Variants in CLSPN observed in about 807,000 individuals in gnomAD.
CLSPN encodes the protein claspin.
CLSPN carries 85 observed loss-of-function variants against 156.3 expected under a neutral mutation model. The ratio of observed to expected loss-of-function variants is 0.54; its 90% confidence interval spans 0.46 to 0.65. CLSPN has a LOEUF of 0.65. Ranked by LOEUF, CLSPN falls within the 30% of genes least tolerant of loss-of-function variation. The pLI, the probability that CLSPN is intolerant of heterozygous loss-of-function variation, is 0.00. For synonymous variants in CLSPN, 534 were observed against 542.4 expected, an observed-to-expected ratio of 0.98 and a Z score of 0.22; for missense variants, 1,407 against 1,554.9, an observed-to-expected ratio of 0.90 and a Z score of 1.60.
intron 8 of CLSPN, among the ~76,000 whole-genome samples, chr1:35,757,514 C>T (rs564122805): frequency 6.6e-6 from 1 of 152,016 alleles, no homozygotes; most frequent in African/African-American, 2.4e-5. Context: ...AAGTATAATG[C>T]TGGAAAAATT....
chr1:35,763,073 A>G, intron 4 of CLSPN, 87 bp downstream of exon 4: 1 of 1,160,448 alleles, frequency 8.6e-7, no homozygotes, highest in South Asian at 2.6e-5. Flanking sequence ...CAGTTAAAAA[A>G]AAAATTAAGG....
intron 10 of CLSPN, 46 bp downstream of exon 10, chr1:35,751,204 C>T (rs1408012078): frequency 1.3e-6 from 2 of 1,575,004 alleles, no homozygotes; most frequent in African/African-American, 2.7e-5. Flanking sequence ...CTTTTTCTCT[C>T]ATATTCACCA....
At chr1:35,749,394 G>T in intron 12 of CLSPN, 73 bp downstream of exon 12, 1 of 1,374,768 alleles carries the variant, frequency 7.3e-7, no homozygotes, top group Non-Finnish European at 1.0e-6. Context: ...GAAACTTACC[G>T]TACTGCAGTC....
In CLSPN at chr1:35,736,404, G is replaced by A; in HGVS notation, c.*92C>T. On this transcript the variant is annotated 3_prime_UTR_variant, in exon 25 of 25. Coordinates refer to ENST00000318121, the MANE Select transcript of CLSPN (RefSeq NM_022111.4). Reference sequence around the variant, plus strand: ...CTTATTGCATTGATTATGAAAGAAGGAAGGATCATTGGCTGGAGTGTCAAT... The same window carrying A: ...CTTATTGCATTGATTATGAAAGAAGAAAGGATCATTGGCTGGAGTGTCAAT... 6.8e-7 allele frequency: 1 copy of A among 1,468,706 alleles called. No individual in the cohort carries two copies. The highest frequency in any genetic ancestry group is 9.0e-7 in the Non-Finnish European group (1 of 1,111,932). 91.0% of individuals were successfully genotyped at this position (1,468,706 alleles called of 1,614,324 possible).
In CLSPN at chr1:35,764,405, C is replaced by G; in HGVS notation, c.443G>C (p.Arg148Thr). The change falls in exon 3 of 25, where the codon AGA (arginine) becomes ACA (threonine). Residue 148 changes from arginine to threonine, a missense_variant. This residue lies in a region of CLSPN where 1,096 missense variants were observed against 1,193.0 expected (regional missense o/e 0.92). Transcript: ENST00000318121. ...SGNSTDFTTD[R>T]KSSKKHIHDK... ...ATGTATGTGCTTTTTGGAACTCTTT[C>G]TGTCAGTGGTAAAGTCTGTAGAGTT... The G allele has an allele frequency of 6.2e-7, 1 of 1,613,848 alleles. No individual in the cohort carries two copies. Among genetic ancestry groups the G allele is most frequent in the Non-Finnish European group, 8.5e-7 (1 of 1,179,940 alleles).
At chr1:35,752,571 CTG>C (rs1360644969) in intron 9 of CLSPN, among the ~76,000 whole-genome samples, 1 of 110,314 alleles carries the variant, frequency 9.1e-6, no homozygotes, top group Non-Finnish European at 1.7e-5. Context: ...GTGCAGGACT[CTG>C]TCTTAGAGGA....
chr1:35,734,791 A>G lies in CLSPN; in HGVS notation c.*1705T>C. The G allele has an allele frequency of 1.0e-6, 1 of 985,202 alleles. No individual in the cohort carries two copies. Among genetic ancestry groups the G allele is most frequent in the Non-Finnish European group, 1.2e-6 (1 of 829,720 alleles). The allele number at this position is 985,202 out of a possible 1,614,324, so 61.0% of individuals were successfully genotyped here. A position where few individuals can be genotyped will look rare whatever the true frequency, so the allele number is the denominator to read the frequency against. On this transcript the variant is annotated 3_prime_UTR_variant, in exon 25 of 25. Coordinates refer to ENST00000318121, the MANE Select transcript of CLSPN (RefSeq NM_022111.4). ...TAAATTGGTGTTCCCATCTCCCAGT[A>G]AAAAACTGGCACACTCTCTTCCAAC...
chr1:35,745,700 C>T (rs1641856650), intron 15 of CLSPN, 138 bp from the exon 16 acceptor site: 1 of 634,292 alleles, frequency 1.6e-6, no homozygotes, highest in African/African-American at 1.8e-5. Context: ...ATTCATTCAA[C>T]AAATCCTTAT....
In CLSPN at chr1:35,738,444, T is replaced by C; in HGVS notation, c.3558+11A>G. 6.2e-7 allele frequency: 1 copy of C among 1,613,154 alleles called. No individual in the cohort carries two copies. Among genetic ancestry groups the C allele is most frequent in the Non-Finnish European group, 8.5e-7 (1 of 1,179,282 alleles). On this transcript the variant is annotated intron_variant, in intron 21 of 24. Transcript: ENST00000318121. ...TCTCATAAACTAGGGTCAGAGTAGG[T>C]GAACTCCTACCATGTCCCGAAGCCA...
chr1:35,750,807 A>G (rs1642057796), intron 10 of CLSPN, among the ~76,000 whole-genome samples: 1 of 152,084 alleles, frequency 6.6e-6, no homozygotes, highest in South Asian at 2.1e-4. Context: ...CTTCTTCTAC[A>G]AAGAACGAAA....
At chr1:35,730,624 A>G (rs1192380277), downstream of CLSPN, among the ~76,000 whole-genome samples, 3 of 151,258 alleles carry the variant, frequency 2.0e-5, no homozygotes, top group African/African-American at 7.3e-5. Flanking sequence ...TAACCTAATT[A>G]AGAAAGGAGT....
chr1:35,734,610 G>A lies in CLSPN; in HGVS notation c.*1886C>T, dbSNP rs1216701956. 5 of 408,910 alleles carry A rather than the reference G, an allele frequency of 1.2e-5. No homozygotes were observed. Among genetic ancestry groups the A allele is most frequent in the African/African-American group, 2.2e-5 (1 of 45,728 alleles). 25.3% of individuals were successfully genotyped at this position (408,910 alleles called of 1,614,324 possible). A position where few individuals can be genotyped will look rare whatever the true frequency, so the allele number is the denominator to read the frequency against. ...GCAGAATTGCTTGAACCTAGGAGGC[G>A]GAGGTTGCAGTAAGCCGAGATCATG... On this transcript the variant is annotated 3_prime_UTR_variant, in exon 25 of 25. Transcript: ENST00000318121.
At chr1:35,752,560 A>G (rs937850513) in intron 9 of CLSPN, among the ~76,000 whole-genome samples, 3 of 141,910 alleles carry the variant, frequency 2.1e-5, no homozygotes, top group Admixed American at 7.4e-5. Flanking sequence ...CCAGGGTGAC[A>G]GTGCAGGACT....
In CLSPN at chr1:35,739,128, C is replaced by A. The variant is rs1641596600; in HGVS notation, c.3430+8G>T. The A allele has an allele frequency of 2.5e-6, 4 of 1,614,034 alleles. No individual in the cohort carries two copies. Among genetic ancestry groups the A allele is most frequent in the Non-Finnish European group, 2.5e-6 (3 of 1,180,034 alleles). ...ACTGATTGCTTTTAAAGACAACAACCAAGATACCTATGTTTTTCCATCGAA... is the reference window on the plus strand; with the variant it reads ...ACTGATTGCTTTTAAAGACAACAACAAAGATACCTATGTTTTTCCATCGAA... On this transcript the variant is annotated splice_region_variant and intron_variant, in intron 20 of 24. Transcript: ENST00000318121.
downstream of CLSPN, among the ~76,000 whole-genome samples, chr1:35,728,921 A>AAC (rs58348673): frequency 0.021 from 1,807 of 85,060 alleles, 77 homozygotes; most frequent in East Asian, 0.12. Context: ...CCTCCCCTCA[A>AAC]ACACACACAC....
At chr1:35,757,229 T>C (rs1642301307) in intron 8 of CLSPN, among the ~76,000 whole-genome samples, 1 of 152,180 alleles carries the variant, frequency 6.6e-6, no homozygotes, top group Non-Finnish European at 1.5e-5. Context: ...CCATCCAGTA[T>C]TGTAATGGTC....
intron 16 of CLSPN, among the ~76,000 whole-genome samples, 186 bp downstream of exon 16, chr1:35,745,265 C>T (rs1641837844): frequency 6.6e-6 from 1 of 152,084 alleles, no homozygotes; most frequent in Non-Finnish European, 1.5e-5. Flanking sequence ...TATTAAATAG[C>T]TTTCATATTC....
intron 8 of CLSPN, among the ~76,000 whole-genome samples, chr1:35,757,763 C>A (rs1642324344): frequency 6.6e-6 from 1 of 152,202 alleles, no homozygotes; most frequent in East Asian, 1.9e-4. Context: ...GCTAATGGAG[C>A]TATGCTAGTT....
downstream of CLSPN, among the ~76,000 whole-genome samples, chr1:35,727,132 G>A (rs1641209022): frequency 6.6e-6 from 1 of 152,202 alleles, no homozygotes; most frequent in Non-Finnish European, 1.5e-5. Context: ...CAGGACTAGT[G>A]CATTCATAGC....
Sources: allele counts gnomAD v4.1 joint callset (sites outside exome capture counted in the v4.1 genomes callset), GRCh38; gene constraint gnomAD v4.1.1; regional missense constraint gnomAD v4.1.1; transcripts MANE v1.5; gene names NCBI Gene and HGNC (gene_info 2026-07-23, HGNC 2026-07-21).